Variants in DDX60L observed in about 807,000 individuals in gnomAD.
DDX60L encodes the protein DExD/H-box 60 like.
DDX60L carries 191 observed loss-of-function variants against 211.6 expected under a neutral mutation model. The ratio of observed to expected loss-of-function variants is 0.90; its 90% CI spans 0.80 to 1.02. DDX60L has a LOEUF of 1.02. DDX60L is among the 50% of genes least tolerant of loss of function. The pLI, the probability that DDX60L is intolerant of heterozygous loss-of-function variation, is 0.00. For missense variants in DDX60L, 2,007 were observed against 1,984.1 expected, an observed-to-expected ratio of 1.01 and a Z score of -0.22; for synonymous variants, 706 against 694.1, an observed-to-expected ratio of 1.02 and a Z score of -0.27.
intron 10 of DDX60L, among the ~76,000 whole-genome samples, chr4:168,436,896 G>A (rs1351519144): frequency 6.6e-6 from 1 of 152,184 alleles, no homozygotes; most frequent in Non-Finnish European, 1.5e-5. Context: ...ACAGGCAAAG[G>A]AAAGGGTTAT....
intron 22 of DDX60L, 51 bp downstream of exon 22, chr4:168,415,357 C>T (rs375559875): frequency 3.7e-5 from 42 of 1,131,066 alleles, no homozygotes; most frequent in African/African-American, 1.1e-4. Flanking sequence ...TTTCCAGTTG[C>T]GATATACACT....
chr4:168,458,566 C>T (rs552641854), intron 5 of DDX60L, among the ~76,000 whole-genome samples: 2 of 152,280 alleles, frequency 1.3e-5, no homozygotes, highest in South Asian at 2.1e-4. Flanking sequence ...GACAACCAAA[C>T]ACCACATGTT....
chr4:168,375,105 T>A (rs755329028), intron 34 of DDX60L, among the ~76,000 whole-genome samples: 2 of 152,208 alleles, frequency 1.3e-5, no homozygotes, highest in African/African-American at 2.4e-5. Flanking sequence ...CAACTTTCCA[T>A]CAAAATGGTT....
intron 4 of DDX60L, chr4:168,468,702 T>G (rs1423229225): frequency 6.6e-6 from 1 of 152,174 alleles, no homozygotes; most frequent in Admixed American, 6.5e-5. Context: ...ATGTATTTAT[T>G]CACTGAAGAC....
rs1304884287 is a variant in DDX60L at position 168,415,651 on chromosome 4, G to T, written c.2869+6C>A. On this transcript the variant is annotated splice_donor_region_variant and intron_variant, in intron 21 of 37. Coordinates refer to ENST00000682922, the MANE Select transcript of DDX60L (RefSeq NM_001012967.3). ...ATATAGTAAAACATAAAAAAAATAA[G>T]CTTACCAAGTCTAACTTCATATGAT... 5.8e-6 allele frequency: 9 copies of T among 1,549,142 alleles called. No homozygotes were observed. The highest frequency in any genetic ancestry group is 1.9e-5 in the Admixed American group (1 of 52,030).
chr4:168,379,969 A>G, intron 30 of DDX60L, 139 bp from the exon 31 acceptor site: 1 of 558,600 alleles, frequency 1.8e-6, no homozygotes, highest in East Asian at 3.0e-5. Context: ...TTGATTTCAT[A>G]TTATCTCTTT....
At position 168,424,213 on chromosome 4, in the gene DDX60L, C is replaced by G. The variant is rs996684519; in HGVS notation, c.1931-439G>C. Reference sequence around the variant, plus strand: ...TGAGCAACATTTATCAAGGCCTACTCTTGACCACATACAGTACTTGTATTT... The same window carrying G: ...TGAGCAACATTTATCAAGGCCTACTGTTGACCACATACAGTACTTGTATTT... On this transcript the variant is annotated intron_variant, in intron 14 of 37. Coordinates refer to ENST00000682922, the MANE Select transcript of DDX60L (RefSeq NM_001012967.3). Among the ~76,000 whole-genome samples, 4 of 152,208 alleles carry G rather than the reference C, an allele frequency of 2.6e-5. No homozygotes were observed. In the East Asian group the frequency reaches 7.7e-4, roughly 29 times the overall value.
chr4:168,391,692 T>A, intron 28 of DDX60L, 48 bp from the exon 29 acceptor site: 1 of 1,012,016 alleles, frequency 9.9e-7, no homozygotes, highest in Non-Finnish European at 1.4e-6. Context: ...AGCATATCTA[T>A]AAGGACACAA....
At chr4:168,387,201 C>T (rs1456304493) in intron 29 of DDX60L, among the ~76,000 whole-genome samples, 1 of 152,140 alleles carries the variant, frequency 6.6e-6, no homozygotes, top group East Asian at 1.9e-4. Flanking sequence ...ATGCTGTGTT[C>T]TCAGAAAGAT....
intron 4 of DDX60L, chr4:168,469,355 C>T (rs1393127006): frequency 1.3e-5 from 2 of 152,134 alleles, no homozygotes; most frequent in African/African-American, 2.4e-5. Flanking sequence ...ACCTCAATCC[C>T]CCATTCACAC....
chr4:168,472,748 T>C lies in DDX60L; in HGVS notation c.-49A>G. On this transcript the variant is annotated 5_prime_UTR_variant, in exon 2 of 38. Coordinates refer to ENST00000682922, the MANE Select transcript of DDX60L (RefSeq NM_001012967.3). The stretch of plus-strand genomic sequence containing the variant: ...GGTAGAAGAGTAGAGCTGGAATTTA[T>C]TAAATATGGCTGATTTATTTTGACA... The C allele has an allele frequency of 1.9e-6, 3 of 1,603,542 alleles. No individual in the cohort carries two copies. Among genetic ancestry groups the C allele is most frequent in the Non-Finnish European group, 2.6e-6 (3 of 1,174,492 alleles).
intron 22 of DDX60L, among the ~76,000 whole-genome samples, chr4:168,413,244 C>T (rs537838795): frequency 7.7e-4 from 117 of 151,770 alleles, no homozygotes; most frequent in Non-Finnish European, 6.8e-4. Context: ...CTTTTCAGGC[C>T]GATAATTTAA....
intron 29 of DDX60L, among the ~76,000 whole-genome samples, chr4:168,385,911 T>C (rs1306499205): frequency 6.6e-6 from 1 of 151,490 alleles, no homozygotes; most frequent in Non-Finnish European, 1.5e-5. Flanking sequence ...TTAGAGTCCA[T>C]ATACCCCCAC....
intron 1 of DDX60L, among the ~76,000 whole-genome samples, chr4:168,476,768 A>G (rs1485488548): frequency 6.6e-6 from 1 of 152,176 alleles, no homozygotes; most frequent in Admixed American, 6.5e-5. Flanking sequence ...GATCTGGCCA[A>G]TGACTACATT....
At chr4:168,398,410 G>T (rs373757698) in intron 26 of DDX60L, among the ~76,000 whole-genome samples, 1 of 152,244 alleles carries the variant, frequency 6.6e-6, no homozygotes, top group Admixed American at 6.5e-5. Flanking sequence ...TGGGAGGGAG[G>T]CCAAAGTGGG....
intron 36 of DDX60L, among the ~76,000 whole-genome samples, chr4:168,368,657 C>T (rs968855514): frequency 2.0e-5 from 3 of 152,236 alleles, no homozygotes; most frequent in African/African-American, 4.8e-5. Context: ...AAGCCACAGA[C>T]ACTCAATGCC....
rs529949197 is a variant in DDX60L, at chr4:168,456,244, C to A, written c.724-92G>T. 7.5e-6 allele frequency: 5 copies of A among 668,262 alleles called. No homozygotes were observed. The East Asian group carries it at 1.7e-4, about 23-fold the overall frequency. 41.4% of individuals were successfully genotyped at this position (668,262 alleles called of 1,614,324 possible). A position where few individuals can be genotyped will look rare whatever the true frequency, so the allele number is the denominator to read the frequency against. ...TTACTTGTAAGAAACATAAAGAAAA[C>A]GATTGTATAGATTTGACTAAACGGA... On this transcript the variant is annotated intron_variant, in intron 6 of 37. Transcript: ENST00000682922.
chr4:168,387,669 A>T (rs1034887417), intron 29 of DDX60L, among the ~76,000 whole-genome samples: 5 of 152,260 alleles, frequency 3.3e-5, no homozygotes, highest in African/African-American at 1.2e-4. Context: ...ATTGTGATAC[A>T]GAAATCTGAG....
intron 33 of DDX60L, among the ~76,000 whole-genome samples, chr4:168,376,593 A>T (rs1360864635): frequency 6.6e-6 from 1 of 152,216 alleles, no homozygotes; most frequent in Non-Finnish European, 1.5e-5. Flanking sequence ...CCATCTGTGG[A>T]TGGACCAAGA....
Sources: gnomAD v4.1 joint callset for allele counts (sites outside exome capture counted in the v4.1 genomes callset) on GRCh38, gnomAD v4.1.1 for gene constraint, MANE v1.5 for transcripts, NCBI Gene and HGNC (gene_info 2026-07-23, HGNC 2026-07-21) for gene names.